DAPK2: variants seen among roughly 807,000 people sequenced by gnomAD.
DAPK2 encodes the protein death associated protein kinase 2.
Under a neutral mutation model 44.1 loss-of-function variants are expected in DAPK2, and 35 were observed. The ratio of observed to expected loss-of-function variants is 0.79; its 90% CI spans 0.61 to 1.05. The LOEUF (loss-of-function observed/expected upper bound fraction) is 1.05. Among genes scored for constraint, DAPK2 ranks in the 50% least tolerant of loss-of-function variants. The pLI, the probability that DAPK2 is intolerant of heterozygous loss-of-function variation, is 0.00. For missense variants in DAPK2, 453 were observed against 483.2 expected (o/e 0.94, Z 0.59); for synonymous variants, 174 against 182.6 (o/e 0.95, Z 0.38).
At chr15:63,999,549 C>T (rs1229863591) in intron 1 of DAPK2, among the ~76,000 whole-genome samples, 1 of 152,196 alleles carries the variant, frequency 6.6e-6, no homozygotes, top group Non-Finnish European at 1.5e-5. Context: ...GATTTCCAAA[C>T]TTGCTCCATC....
At chr15:63,958,227 A>G (rs1206296844) in intron 3 of DAPK2, among the ~76,000 whole-genome samples, 1 of 148,946 alleles carries the variant, frequency 6.7e-6, no homozygotes, top group Admixed American at 6.7e-5. Context: ...AAATTTGTTT[A>G]AGTTCTTTGT....
At position 64,040,050 on chromosome 15, in the gene DAPK2, A is replaced by G. The variant is rs559272017; in HGVS notation, c.92+120T>C. ...AGGCAGGTGAATAATCCTCAGGCTC[A>G]TTTTTAAAGCTTCCCACTGGTCCTG... is the stretch of plus-strand genomic sequence containing the variant. On this transcript the variant is annotated intron_variant, in intron 1 of 10. Transcript: ENST00000261891. 10 of 748,800 alleles carry G rather than the reference A, an allele frequency of 1.3e-5. 1 individual carries two copies. In the East Asian group the frequency reaches 2.6e-4, roughly 19 times the overall value. 46.4% of individuals were successfully genotyped at this position (748,800 alleles called of 1,614,324 possible).
In DAPK2 at chr15:63,980,827, C is replaced by T. The variant is rs1030802161; in HGVS notation, c.314+2706G>A. Among the ~76,000 whole-genome samples, 8 of 152,274 alleles carry T rather than the reference C, an allele frequency of 5.3e-5. No homozygotes were observed. The highest frequency in any genetic ancestry group is 1.3e-4 in the Admixed American group (2 of 15,296). On this transcript the variant is annotated intron_variant, in intron 2 of 10. Transcript: ENST00000261891. This position sits in a 1 kb window ranked among gnomAD's most constrained non-coding sequence, Gnocchi z 4.3. ...GATTGGGTCGGGGTGCGGTGGCTCA[C>T]GCCTGTAATCCCAACGCTTTGGGAG...
intron 3 of DAPK2, among the ~76,000 whole-genome samples, chr15:63,954,042 T>C (rs2077658504): frequency 6.6e-6 from 1 of 152,228 alleles, no homozygotes; most frequent in African/African-American, 2.4e-5. Flanking sequence ...GCTCCTTATA[T>C]ATTCTGGTTA....
chr15:64,041,335 C>T (rs1230448442), upstream of DAPK2, among the ~76,000 whole-genome samples: 2 of 152,198 alleles, frequency 1.3e-5, no homozygotes, highest in African/African-American at 4.8e-5. Flanking sequence ...ACTGAGCCAA[C>T]TCTGCCTGCC....
upstream of DAPK2, among the ~76,000 whole-genome samples, chr15:64,042,437 A>C (rs969486557): frequency 1.3e-5 from 2 of 152,236 alleles, no homozygotes; most frequent in African/African-American, 4.8e-5. The surrounding 1 kb of genome is among the most constrained non-coding windows in gnomAD (Gnocchi z 4.7). Flanking sequence ...AGAAGCAAGC[A>C]GGAAACTCCA....
chr15:63,922,800 C>T (rs2079115233), intron 8 of DAPK2: 1 of 1,535,700 alleles, frequency 6.5e-7, no homozygotes, highest in Non-Finnish European at 8.7e-7. Flanking sequence ...GACAGGGATT[C>T]ACTGGTGTCC....
intron 1 of DAPK2, among the ~76,000 whole-genome samples, chr15:64,036,810 T>C (rs947198825): frequency 6.6e-6 from 1 of 152,044 alleles, no homozygotes; most frequent in African/African-American, 2.4e-5. Flanking sequence ...ATCAGGATGA[T>C]CCCCCTGCTC....
intron 7 of DAPK2, among the ~76,000 whole-genome samples, chr15:63,925,409 T>G (rs2079213986): frequency 6.6e-6 from 1 of 152,118 alleles, no homozygotes; most frequent in South Asian, 2.1e-4. Flanking sequence ...GAGCATGCTC[T>G]GGGTACCCAG....
At chr15:64,017,436 C>T (rs2079560786) in intron 1 of DAPK2, among the ~76,000 whole-genome samples, 1 of 152,234 alleles carries the variant, frequency 6.6e-6, no homozygotes, top group Non-Finnish European at 1.5e-5. Context: ...CAACCCTCCA[C>T]CGAGGTGGCT....
chr15:64,010,649 G>A (rs760652326), intron 1 of DAPK2, among the ~76,000 whole-genome samples: 1 of 152,100 alleles, frequency 6.6e-6, no homozygotes, highest in African/African-American at 2.4e-5. Context: ...TAATTGTTCT[G>A]AGCCCCTACT....
At chr15:64,035,817 C>A (rs371610408) in intron 1 of DAPK2, among the ~76,000 whole-genome samples, 1 of 152,174 alleles carries the variant, frequency 6.6e-6, no homozygotes, top group Non-Finnish European at 1.5e-5. Context: ...CTGCACTCAG[C>A]GCTGGAAGCT....
chr15:64,016,085 G>A (rs1346495145), intron 1 of DAPK2, among the ~76,000 whole-genome samples: 1 of 152,352 alleles, frequency 6.6e-6, no homozygotes, highest in South Asian at 2.1e-4. Flanking sequence ...CAGGGCCCAC[G>A]CAGCGCAGGG....
chr15:63,991,148 T>C, intron 1 of DAPK2: 1 of 436,406 alleles, frequency 2.3e-6, no homozygotes, highest in Non-Finnish European at 4.6e-6. Flanking sequence ...AGTGAAGAAA[T>C]ATAACGTTAT....
chr15:63,925,651 C>A (rs2079223913), intron 7 of DAPK2, among the ~76,000 whole-genome samples: 1 of 147,740 alleles, frequency 6.8e-6, no homozygotes, highest in African/African-American at 2.5e-5. Context: ...GTAATGAGCC[C>A]TAAAGAAACC....
At chr15:63,972,985 A>G (rs183084480) in intron 2 of DAPK2, among the ~76,000 whole-genome samples, 2 of 152,354 alleles carry the variant, frequency 1.3e-5, no homozygotes, top group Admixed American at 6.5e-5. Context: ...ACAATGGAAG[A>G]ATAACCCTGA....
At chr15:64,021,285 A>T (rs1435381377) in intron 1 of DAPK2, among the ~76,000 whole-genome samples, 1 of 152,208 alleles carries the variant, frequency 6.6e-6, no homozygotes, top group Non-Finnish European at 1.5e-5. Flanking sequence ...ACTCTGGCAC[A>T]TGAAAGGGAG....
intron 2 of DAPK2, among the ~76,000 whole-genome samples, chr15:63,974,390 G>T (rs1057414022): frequency 2.0e-5 from 3 of 152,194 alleles, no homozygotes; most frequent in African/African-American, 7.2e-5. Context: ...GAAGTTACAG[G>T]CAGAATCAAT....
intron 1 of DAPK2, among the ~76,000 whole-genome samples, chr15:63,993,189 G>T (rs886217857): frequency 2.6e-5 from 4 of 152,150 alleles, no homozygotes; most frequent in African/African-American, 9.7e-5. Flanking sequence ...CATGTAAGGT[G>T]ACAAAGGATC....
Sources: allele counts gnomAD v4.1 joint callset (sites outside exome capture counted in the v4.1 genomes callset), GRCh38; gene constraint gnomAD v4.1.1; non-coding constraint Gnocchi (gnomAD v3.1); transcripts MANE v1.5; gene names NCBI Gene and HGNC (gene_info 2026-07-23, HGNC 2026-07-21).